Variants in USP9X observed in about 807,000 individuals in gnomAD.
USP9X encodes the protein ubiquitin specific peptidase 9 X-linked.
Under a neutral mutation model 190.3 loss-of-function variants are expected in USP9X, and 7 were observed. The observed-to-expected ratio is 0.04, with a 90% confidence interval of 0.02 to 0.07. The LOEUF is 0.07. USP9X is among the 10% of genes least tolerant of loss of function. The pLI, the probability that USP9X is intolerant of heterozygous loss-of-function variation, is 1.00. For synonymous variants in USP9X, 645 were observed against 659.5 expected (o/e 0.98, Z 0.34); for missense variants, 1,010 against 1,916.9 (o/e 0.53, Z 8.83).
intron 12 of USP9X, among the ~76,000 whole-genome samples, chrX:41,150,092 G>A (rs377607605): frequency 9.1e-6 from 1 of 109,895 alleles, no homozygotes; most frequent in African/African-American, 3.3e-5. Flanking sequence ...TTCTAATTTT[G>A]CTGCCGAAAA....
chrX:41,086,140 C>G, intron 1 of USP9X, 31 bp downstream of exon 1: 1 of 296,234 alleles, frequency 3.4e-6, no homozygotes, highest in Non-Finnish European at 5.9e-6. Context: ...GGGCGACGCT[C>G]TTTCCCGGGG....
At position 41,181,722 on chromosome X, in the gene USP9X, T is replaced by C. The variant is rs763802074; in HGVS notation, c.3149-2276T>C. On this transcript the variant is annotated intron_variant, in intron 21 of 44. Coordinates refer to ENST00000378308, the MANE Select transcript of USP9X (RefSeq NM_001039591.3). ...CCTCCGCCTCCCTGAGTGCTGGGAT[T>C]ACAGGCATGAGCCACTGCGCCCGGC... Among the ~76,000 whole-genome samples the C allele has an allele frequency of 7.3e-5, 8 of 110,224 alleles. No individual in the cohort carries two copies. In the East Asian group the frequency reaches 2.3e-3, roughly 31 times the overall value.
At chrX:41,097,285 C>T (rs1043593691) in intron 1 of USP9X, among the ~76,000 whole-genome samples, 18 of 111,877 alleles carry the variant, frequency 1.6e-4, no homozygotes, top group Admixed American at 4.8e-4. Context: ...TTATTTTTTC[C>T]GAATTGAAGA....
intron 14 of USP9X, among the ~76,000 whole-genome samples, chrX:41,159,958 T>TA (rs893042837): frequency 9.0e-6 from 1 of 111,242 alleles, no homozygotes; most frequent in Non-Finnish European, 1.9e-5. Flanking sequence ...ACAACTGTAC[T>TA]AAAAAAATTG....
intron 14 of USP9X, among the ~76,000 whole-genome samples, chrX:41,159,729 G>A (rs2062612134): frequency 9.1e-6 from 1 of 110,072 alleles, no homozygotes; most frequent in South Asian, 3.8e-4. Flanking sequence ...TCGCCATGTT[G>A]GCCAGGCTGG....
At chrX:41,166,988 C>T (rs1357326827) in intron 16 of USP9X, among the ~76,000 whole-genome samples, 1 of 111,764 alleles carries the variant, frequency 8.9e-6, no homozygotes, top group East Asian at 2.8e-4. Flanking sequence ...TTCCCCTCCC[C>T]AACCCTTTTA....
chrX:41,147,435 A>G (rs2062477752), intron 11 of USP9X, among the ~76,000 whole-genome samples: 1 of 100,685 alleles, frequency 9.9e-6, no homozygotes, highest in Non-Finnish European at 2.0e-5. Context: ...ATCTTCTCTC[A>G]TTAACTTAAT....
intron 14 of USP9X, 74 bp downstream of exon 14, chrX:41,153,155 TA>T: frequency 3.9e-6 from 4 of 1,016,631 alleles, no homozygotes; most frequent in Non-Finnish European, 5.3e-6. Flanking sequence ...CTTAGAAATG[TA>T]AATCATGTTC....
intron 1 of USP9X, among the ~76,000 whole-genome samples, chrX:41,097,838 A>C (rs1026011004): frequency 9.0e-6 from 1 of 111,463 alleles, no homozygotes; most frequent in African/African-American, 3.3e-5. Flanking sequence ...TAAGAAAACA[A>C]TTTTGACCTC....
chrX:41,190,149 T>G (rs1277442020), intron 26 of USP9X, among the ~76,000 whole-genome samples: 1 of 112,497 alleles, frequency 8.9e-6, no homozygotes, highest in Non-Finnish European at 1.9e-5. Context: ...ATGTTTACTT[T>G]CATCATTCCA....
chrX:41,086,037 AC>A lies in USP9X; in HGVS notation c.-229del, dbSNP rs1383934272. On this transcript the variant is annotated 5_prime_UTR_variant, in exon 1 of 45. Transcript: ENST00000378308. ...CACCCAGGGTAGGTCTCGTCCCGGG[AC>A]CGAGCCCCACCGTCGCCTGGTGCCT... The A allele has an allele frequency of 3.4e-6, 1 of 295,278 alleles. No homozygotes were observed. The highest frequency in any genetic ancestry group is 2.8e-5 in the African/African-American group (1 of 36,206). The allele number at this position is 295,278 out of a possible 1,213,427, so 24.3% of individuals were successfully genotyped here. A position where few individuals can be genotyped will look rare whatever the true frequency, so the allele number is the denominator to read the frequency against.
At chrX:41,161,635 C>CTTTTTTT (rs759623425) in intron 14 of USP9X, among the ~76,000 whole-genome samples, 530 of 47,373 alleles carry the variant, frequency 0.011, 39 homozygotes, top group Non-Finnish European at 0.016. Flanking sequence ...GGCGCCCTGC[C>CTTTTTTT]TTTTTTTTTT....
chrX:41,224,163 T>C (rs12010061), intron 39 of USP9X, among the ~76,000 whole-genome samples: 16,288 of 109,258 alleles, frequency 0.15, 1,161 homozygotes, highest in African/African-American at 0.24. Flanking sequence ...GCTGTGGTCA[T>C]GCCACTGCAC....
rs759623425 is a variant in USP9X, at chrX:41,161,635, C to CTTTTTTTTTT, written c.1898-1141_1898-1132dup. Reference sequence around the variant, plus strand: ...ACAGGCGTGAGCCATGGCGCCCTGCCTTTTTTTTTTTTTTTTTTTTTTTAA... The same window carrying CTTTTTTTTTT: ...ACAGGCGTGAGCCATGGCGCCCTGCCTTTTTTTTTTTTTTTTTTTTTTTTTTTTTTTTTAA... On this transcript the variant is annotated intron_variant, in intron 14 of 44. Coordinates refer to ENST00000378308, the MANE Select transcript of USP9X (RefSeq NM_001039591.3). Among the ~76,000 whole-genome samples, 87 of 47,410 alleles carry CTTTTTTTTTT rather than the reference C, an allele frequency of 1.8e-3. 7 individuals carry two copies. The highest frequency in any genetic ancestry group is 5.7e-3 in the South Asian group (4 of 700). The allele number at this position is 47,410 out of a possible 115,157, so 41.2% of individuals were successfully genotyped here.
chrX:41,188,129 C>G lies in USP9X; in HGVS notation c.3810+12C>G, dbSNP rs2062898781. ...AAATTTATGAGAAGGTAAGAATTAT[C>G]ACAGAACTATATTCCTTGTAAACAA... is the stretch of plus-strand genomic sequence containing the variant. On this transcript the variant is annotated intron_variant, in intron 25 of 44. Transcript: ENST00000378308. 1.7e-6 allele frequency: 2 copies of G among 1,196,781 alleles called. No homozygotes were observed. The highest frequency in any genetic ancestry group is 1.1e-6 in the Non-Finnish European group (1 of 884,542).
At chrX:41,110,654 T>C (rs767138865) in intron 1 of USP9X, among the ~76,000 whole-genome samples, 51 of 112,096 alleles carry the variant, frequency 4.5e-4, no homozygotes, top group Non-Finnish European at 8.3e-4. Context: ...AGACAAATAC[T>C]TAAATGTTAG....
intron 1 of USP9X, among the ~76,000 whole-genome samples, chrX:41,103,709 G>T (rs1391258467): frequency 8.9e-6 from 1 of 111,921 alleles, no homozygotes; most frequent in Non-Finnish European, 1.9e-5. Flanking sequence ...AATAGAAAGT[G>T]ATTAAATTAG....
intron 31 of USP9X, among the ~76,000 whole-genome samples, chrX:41,201,865 G>T (rs750935274): frequency 2.7e-5 from 3 of 111,372 alleles, no homozygotes; most frequent in Non-Finnish European, 5.7e-5. Context: ...TAGCTACTCG[G>T]AAGGCTGAGG....
In USP9X at chrX:41,159,696, A is replaced by AT. The variant is rs778019374; in HGVS notation, c.1898-3084dup. ...AGGCACATGCCGCCATTCCCGGCTA[A>AT]TTTTTTTTTTGTAGAAACGGTTTCG... On this transcript the variant is annotated intron_variant, in intron 14 of 44. Coordinates refer to ENST00000378308, the MANE Select transcript of USP9X (RefSeq NM_001039591.3). 2.3e-4 allele frequency among the ~76,000 whole-genome samples: 25 copies of AT among 107,413 alleles called. No individual in the cohort carries two copies. The East Asian group carries it at 2.9e-3, about 13-fold the overall frequency. The allele number at this position is 107,413 out of a possible 115,157, so 93.3% of individuals were successfully genotyped here. A position where few individuals can be genotyped will look rare whatever the true frequency, so the allele number is the denominator to read the frequency against.
Sources: gnomAD v4.1 joint callset for allele counts (sites outside exome capture counted in the v4.1 genomes callset) on GRCh38, gnomAD v4.1.1 for gene constraint, MANE v1.5 for transcripts, NCBI Gene and HGNC (gene_info 2026-07-23, HGNC 2026-07-21) for gene names.